CLNK: variants seen among roughly 807,000 people sequenced by gnomAD.
CLNK encodes cytokine dependent hematopoietic cell linker, also known as cytokine-dependent hematopoietic cell linker.
In CLNK, 74 loss-of-function variants were observed where a neutral mutation model predicts 68.6. The ratio of observed to expected loss-of-function variants is 1.08; its 90% CI spans 0.89 to 1.31. The LOEUF (loss-of-function observed/expected upper bound fraction) is 1.31. CLNK is among the 50% of genes most tolerant of loss of function. The pLI, the probability that CLNK is intolerant of heterozygous loss-of-function variation, is 0.00. For missense variants in CLNK, 553 were observed against 515.3 expected (o/e 1.07, Z -0.71); for synonymous variants, 198 against 172.2 (o/e 1.15, Z -1.17).
At chr4:10,547,382 A>G (rs1301385488) in intron 8 of CLNK, among the ~76,000 whole-genome samples, 1 of 152,198 alleles carries the variant, frequency 6.6e-6, no homozygotes, top group Non-Finnish European at 1.5e-5. Flanking sequence ...GGATAAGTAC[A>G]TATCCATGAA....
intron 2 of CLNK, among the ~76,000 whole-genome samples, chr4:10,648,582 T>C (rs1308395487): frequency 6.6e-6 from 1 of 152,200 alleles, no homozygotes; most frequent in African/African-American, 2.4e-5. Context: ...ATATGAAAGA[T>C]GGTGGAGAAA....
At chr4:10,672,133 G>A (rs1031599995) in intron 1 of CLNK, among the ~76,000 whole-genome samples, 1 of 152,200 alleles carries the variant, frequency 6.6e-6, no homozygotes, top group Non-Finnish European at 1.5e-5. Context: ...GGCAATGTCA[G>A]GGAAGATTGT....
rs1716486265 is a variant in CLNK at position 10,489,716 on chromosome 4, GAGT to G, written c.*748_*750del. ...GTCTCTCTGTCCCCAGGCTGGATTG[GAGT>G]GCAGTGGCGCGATTTCGGCTCACTG... On this transcript the variant is annotated 3_prime_UTR_variant, in exon 19 of 19. Transcript: ENST00000226951. 6.8e-5 allele frequency: 1 copy of G among 14,708 alleles called. No homozygotes were observed. The highest frequency in any genetic ancestry group is 2.4e-4 in the Non-Finnish European group (1 of 4,166). The allele number at this position is 14,708 out of a possible 1,614,324, so 0.9% of individuals were successfully genotyped here.
At chr4:10,525,687 C>G (rs1355936257) in intron 14 of CLNK, among the ~76,000 whole-genome samples, 154 bp downstream of exon 14, 2 of 152,154 alleles carry the variant, frequency 1.3e-5, no homozygotes, top group Non-Finnish European at 2.9e-5. Context: ...ACATCAATAA[C>G]AGCTGTGATT....
intron 15 of CLNK, among the ~76,000 whole-genome samples, chr4:10,514,388 C>T (rs985140895): frequency 3.3e-5 from 5 of 151,956 alleles, no homozygotes; most frequent in Non-Finnish European, 5.9e-5. Flanking sequence ...ATGGGATGGC[C>T]GGACCAAAAC....
chr4:10,637,687 T>G (rs1012857332), intron 2 of CLNK, among the ~76,000 whole-genome samples: 7 of 147,494 alleles, frequency 4.7e-5, no homozygotes, highest in Non-Finnish European at 1.0e-4. Flanking sequence ...CTCCGCCTCC[T>G]TGGTTCATGC....
chr4:10,626,504 A>G (rs1486982890), intron 2 of CLNK, among the ~76,000 whole-genome samples: 2 of 152,066 alleles, frequency 1.3e-5, no homozygotes, highest in South Asian at 4.1e-4. Flanking sequence ...TTTGAAATTT[A>G]GTTTTTAAGT....
intron 8 of CLNK, among the ~76,000 whole-genome samples, chr4:10,557,495 C>T (rs1392464221): frequency 6.6e-6 from 1 of 152,170 alleles, no homozygotes; most frequent in Non-Finnish European, 1.5e-5. Flanking sequence ...CCTCTCCAGG[C>T]GGTGTGCTCC....
intron 18 of CLNK, among the ~76,000 whole-genome samples, chr4:10,498,967 A>G (rs1716921658): frequency 7.4e-6 from 1 of 135,542 alleles, no homozygotes; most frequent in African/African-American, 2.8e-5. Flanking sequence ...AATTCATTGT[A>G]CCCCCCCCCC....
chr4:10,655,714 A>T (rs994276231), intron 2 of CLNK, among the ~76,000 whole-genome samples: 4 of 129,604 alleles, frequency 3.1e-5, no homozygotes, highest in Non-Finnish European at 4.6e-5. Context: ...CAGTGGTGCG[A>T]TCTCGGCTCA....
the CLNK span, among the ~76,000 whole-genome samples, chr4:10,703,109 C>T: frequency 6.6e-6 from 1 of 152,070 alleles, no homozygotes; most frequent in South Asian, 2.1e-4. Context: ...GTAGTATGCA[C>T]CCCAAAGATG....
intron 8 of CLNK, among the ~76,000 whole-genome samples, chr4:10,542,857 A>G (rs1426640625): frequency 2.6e-5 from 4 of 152,090 alleles, no homozygotes; most frequent in Non-Finnish European, 4.4e-5. Context: ...TAGGTGGGAT[A>G]ATTTCTCAAG....
At chr4:10,558,523 T>A (rs1460870265) in intron 7 of CLNK, 71 bp from the exon 8 acceptor site, 1 of 1,440,680 alleles carries the variant, frequency 6.9e-7, no homozygotes, top group Non-Finnish European at 9.8e-7. Context: ...CTTGACACTC[T>A]CTGTGGTTAG....
At chr4:10,532,051 A>G (rs1445312381) in intron 12 of CLNK, among the ~76,000 whole-genome samples, 3 of 152,218 alleles carry the variant, frequency 2.0e-5, no homozygotes, top group African/African-American at 4.8e-5. Context: ...CATGGTGGCC[A>G]AACAGGATCT....
At chr4:10,654,495 G>C (rs895839685) in intron 2 of CLNK, among the ~76,000 whole-genome samples, 1 of 149,188 alleles carries the variant, frequency 6.7e-6, no homozygotes, top group Non-Finnish European at 1.5e-5. Flanking sequence ...TGAAACATTA[G>C]AGCATTTACC....
chr4:10,533,852 T>C (rs1718645296), intron 11 of CLNK, among the ~76,000 whole-genome samples: 1 of 152,208 alleles, frequency 6.6e-6, no homozygotes. Context: ...GTTTGAAGTG[T>C]TTAAGATAAA....
intron 2 of CLNK, among the ~76,000 whole-genome samples, chr4:10,653,678 A>C (rs1189320524): frequency 1.3e-5 from 2 of 152,192 alleles, no homozygotes; most frequent in African/African-American, 4.8e-5. Flanking sequence ...GAACACAGAC[A>C]GAAGGAAATA....
At chr4:10,622,869 G>T (rs1722513919) in intron 2 of CLNK, among the ~76,000 whole-genome samples, 1 of 152,084 alleles carries the variant, frequency 6.6e-6, no homozygotes, top group Admixed American at 6.5e-5. Context: ...TCCCTTCCTG[G>T]CTTACAAACA....
At chr4:10,641,230 G>A (rs540800813) in intron 2 of CLNK, among the ~76,000 whole-genome samples, 8 of 152,190 alleles carry the variant, frequency 5.3e-5, no homozygotes, top group Non-Finnish European at 1.2e-4. Flanking sequence ...GGTTTCACAG[G>A]CCTCCTGGGG....
Sources: allele counts gnomAD v4.1 joint callset (sites outside exome capture counted in the v4.1 genomes callset), GRCh38; gene constraint gnomAD v4.1.1; transcripts MANE v1.5; gene names NCBI Gene and HGNC (gene_info 2026-07-23, HGNC 2026-07-21).